Variants in IGF1R observed in about 807,000 individuals in gnomAD.
IGF1R encodes insulin like growth factor 1 receptor, also known as insulin-like growth factor 1 receptor.
Under a neutral mutation model 144.6 loss-of-function variants are expected in IGF1R, and 44 were observed. The observed-to-expected ratio is 0.30, with a 90% confidence interval of 0.24 to 0.39. The LOEUF (loss-of-function observed/expected upper bound fraction) is 0.39, where lower values mean the gene tolerates loss of function less well. Ranked by LOEUF, IGF1R falls within the 10% of genes least tolerant of loss-of-function variation. The probability of loss-of-function intolerance (pLI) is 1.00; values close to 1 mark genes in which losing one functional copy is unlikely to be tolerated. For missense variants in IGF1R, 1,355 were observed against 1,833.7 expected (o/e 0.74, Z 4.77); for synonymous variants, 795 against 722.8 (o/e 1.10, Z -1.60).
intron 2 of IGF1R, among the ~76,000 whole-genome samples, chr15:98,775,783 C>T (rs2055698010): frequency 6.6e-6 from 1 of 152,206 alleles, no homozygotes; most frequent in Non-Finnish European, 1.5e-5. Flanking sequence ...CCCAGGGTTT[C>T]CGATTCAGCA....
intron 2 of IGF1R, among the ~76,000 whole-genome samples, chr15:98,768,763 C>CAAAAAAAAAAA (rs72476452): frequency 2.7e-4 from 23 of 86,240 alleles, no homozygotes; most frequent in Non-Finnish European, 4.7e-4. Flanking sequence ...ACTAAAAATA[C>CAAAAAAAAAAA]AAAAAAAAAA....
At chr15:98,874,142 G>A (rs8043461) in intron 2 of IGF1R, among the ~76,000 whole-genome samples, 2,068 of 152,268 alleles carry the variant, frequency 0.014, 62 homozygotes, top group African/African-American at 0.048. Flanking sequence ...GGTCCAAAAT[G>A]TATCTTTGGT....
chr15:98,688,507 T>C (rs1409605954), intron 1 of IGF1R, among the ~76,000 whole-genome samples: 1 of 151,878 alleles, frequency 6.6e-6, no homozygotes, highest in Non-Finnish European at 1.5e-5. Flanking sequence ...CATGTGGGAA[T>C]GCTATTATAA....
At chr15:98,886,627 A>T (rs1375048477) in intron 2 of IGF1R, among the ~76,000 whole-genome samples, 1 of 152,114 alleles carries the variant, frequency 6.6e-6, no homozygotes, top group Non-Finnish European at 1.5e-5. Flanking sequence ...TTTCCCCCAT[A>T]GCGCCGTAAT....
intron 1 of IGF1R, among the ~76,000 whole-genome samples, chr15:98,663,916 A>G (rs1167058190): frequency 1.3e-5 from 2 of 152,188 alleles, no homozygotes; most frequent in African/African-American, 2.4e-5. Context: ...GTGTTGATTT[A>G]TGTTTGTAAA....
intron 20 of IGF1R, among the ~76,000 whole-genome samples, chr15:98,955,443 C>T (rs1170956777): frequency 6.6e-6 from 1 of 152,264 alleles, no homozygotes; most frequent in Non-Finnish European, 1.5e-5. Flanking sequence ...CTAATGTCCT[C>T]AGCTGGTAGT....
intron 2 of IGF1R, among the ~76,000 whole-genome samples, chr15:98,757,756 G>A (rs1465139023): frequency 1.3e-5 from 2 of 152,028 alleles, no homozygotes; most frequent in African/African-American, 4.8e-5. Context: ...AGACATTTTT[G>A]TTCTCTAATA....
chr15:98,757,600 CTCTG>C (rs1217240307), intron 2 of IGF1R, among the ~76,000 whole-genome samples: 1 of 152,170 alleles, frequency 6.6e-6, no homozygotes, highest in Non-Finnish European at 1.5e-5. Context: ...TAATATCCCT[CTCTG>C]TCCAGTTTAA....
chr15:98,669,091 T>C (rs538315714), intron 1 of IGF1R, among the ~76,000 whole-genome samples: 11 of 152,360 alleles, frequency 7.2e-5, no homozygotes, highest in African/African-American at 2.6e-4. Context: ...CCTATGACTG[T>C]AAAATCAGTA....
Position 98,964,091 on chromosome 15 carries a change from G to GA in IGF1R, c.*6649_*6650insA, listed in dbSNP as rs2017331778. Reference sequence around the variant, plus strand: ...CCAGTGAGGTTGAGGTGAGAGGTTTGCCAGAGTTTGTCTACCTCTGGGTAT... The same window carrying GA: ...CCAGTGAGGTTGAGGTGAGAGGTTTGACCAGAGTTTGTCTACCTCTGGGTAT... On this transcript the variant is annotated 3_prime_UTR_variant, in exon 21 of 21. Transcript: ENST00000650285. 8.6e-6 allele frequency: 2 copies of GA among 233,132 alleles called. No individual in the cohort carries two copies. The highest frequency in any genetic ancestry group is 1.7e-5 in the Non-Finnish European group (2 of 117,804). The allele number at this position is 233,132 out of a possible 1,614,324, so 14.4% of individuals were successfully genotyped here.
In IGF1R at chr15:98,957,498, G is replaced by T. The variant is rs3825954; in HGVS notation, c.*56G>T. ...ACGTGTGCGCACGCGCAGCGGGGTG[G>T]GGGGGGAGAGAGAGTTTTAACAATC... is the stretch of plus-strand genomic sequence containing the variant. On this transcript the variant is annotated 3_prime_UTR_variant, in exon 21 of 21. Coordinates refer to ENST00000650285, the MANE Select transcript of IGF1R (RefSeq NM_000875.5). 50 of 1,603,386 alleles carry T rather than the reference G, an allele frequency of 3.1e-5. No individual in the cohort carries two copies. The highest frequency in any genetic ancestry group is 2.9e-4 in the East Asian group (13 of 44,808).
At chr15:98,867,647 T>C (rs1017530441) in intron 2 of IGF1R, among the ~76,000 whole-genome samples, 4 of 152,244 alleles carry the variant, frequency 2.6e-5, no homozygotes, top group African/African-American at 7.2e-5. Context: ...GCCTTGTGTA[T>C]GTCTCTTAGC....
intron 10 of IGF1R, 181 bp downstream of exon 10, chr15:98,917,057 C>G: frequency 1.5e-6 from 1 of 686,632 alleles, no homozygotes; most frequent in Non-Finnish European, 2.6e-6. Flanking sequence ...AGCCAGTCAG[C>G]CCTGAAGGGA....
chr15:98,770,916 A>G (rs1027651514), intron 2 of IGF1R, among the ~76,000 whole-genome samples: 2 of 152,198 alleles, frequency 1.3e-5, no homozygotes, highest in Non-Finnish European at 2.9e-5. Context: ...ACATTCTCAG[A>G]GACTTCTGAT....
chr15:98,879,067 C>CT (rs2013234731), intron 2 of IGF1R, among the ~76,000 whole-genome samples: 1 of 152,162 alleles, frequency 6.6e-6, no homozygotes, highest in South Asian at 2.1e-4. Flanking sequence ...AGAAACCCGG[C>CT]TCATGATGAC....
intron 17 of IGF1R, 112 bp from the exon 18 acceptor site, chr15:98,939,089 A>G: frequency 2.3e-6 from 2 of 869,848 alleles, no homozygotes; most frequent in Non-Finnish European, 3.7e-6. Flanking sequence ...TCTTAGCATA[A>G]ACAACCCACG....
At chr15:98,694,620 A>G (rs200190769) in intron 1 of IGF1R, among the ~76,000 whole-genome samples, 1 of 152,126 alleles carries the variant, frequency 6.6e-6, no homozygotes, top group East Asian at 1.9e-4. Flanking sequence ...AGGGTTGCTC[A>G]TGCTTGTCTG....
chr15:98,948,071 G>T (rs2016623263), intron 19 of IGF1R, among the ~76,000 whole-genome samples: 1 of 152,176 alleles, frequency 6.6e-6, no homozygotes, highest in East Asian at 1.9e-4. Flanking sequence ...CCTGGGTAGA[G>T]GTTTCCAAAA....
chr15:98,829,750 C>A (rs1447525077), intron 2 of IGF1R, among the ~76,000 whole-genome samples: 1 of 152,178 alleles, frequency 6.6e-6, no homozygotes, highest in Admixed American at 6.5e-5. Flanking sequence ...CTAATACTGG[C>A]ATTCATTGCC....
Sources: gnomAD v4.1 joint callset for allele counts (sites outside exome capture counted in the v4.1 genomes callset) on GRCh38, gnomAD v4.1.1 for gene constraint, MANE v1.5 for transcripts, NCBI Gene and HGNC (gene_info 2026-07-23, HGNC 2026-07-21) for gene names.